Variants in ACAP2 observed in about 807,000 individuals in gnomAD.
ACAP2 encodes the protein ArfGAP with coiled-coil, ankyrin repeat and PH domains 2.
ACAP2 carries 39 observed loss-of-function variants against 115.8 expected under a neutral mutation model. The ratio of observed to expected loss-of-function variants is 0.34; its 90% CI spans 0.26 to 0.44. The LOEUF (loss-of-function observed/expected upper bound fraction) is 0.44, where lower values mean the gene tolerates loss of function less well. ACAP2 is among the 20% of genes least tolerant of loss of function. The pLI is 1.00. For missense variants in ACAP2, 662 were observed against 927.6 expected (o/e 0.71, Z 3.72); for synonymous variants, 289 against 315.8 (o/e 0.92, Z 0.90).
In ACAP2 at chr3:195,280,551, G is replaced by A. The variant is rs995261318; in HGVS notation, c.2237-1123C>T. On this transcript the variant is annotated intron_variant, in intron 22 of 22. Coordinates refer to ENST00000326793, the MANE Select transcript of ACAP2 (RefSeq NM_012287.6). Reference sequence around the variant, plus strand: ...TGGGTTTGTTTTTGTTTTACTGCAGGTCATATGAGCAAGAATGCTATGACA... The same window carrying A: ...TGGGTTTGTTTTTGTTTTACTGCAGATCATATGAGCAAGAATGCTATGACA... 9.2e-5 allele frequency among the ~76,000 whole-genome samples: 14 copies of A among 152,100 alleles called. No homozygotes were observed. In the East Asian group the frequency reaches 2.7e-3, roughly 29 times the overall value.
intron 17 of ACAP2, chr3:195,295,338 A>T: frequency 8.1e-7 from 1 of 1,229,498 alleles, no homozygotes; most frequent in Non-Finnish European, 1.1e-6. Context: ...AAAGCAGGCC[A>T]TAAGAAGGGA....
chr3:195,414,328 C>T (rs1008866849), intron 1 of ACAP2, among the ~76,000 whole-genome samples: 3 of 152,246 alleles, frequency 2.0e-5, no homozygotes, highest in East Asian at 1.9e-4. Context: ...AGGATGGTCT[C>T]GAACTCCTGA....
intron 6 of ACAP2, among the ~76,000 whole-genome samples, chr3:195,339,349 T>C (rs1431856833): frequency 6.6e-6 from 1 of 152,076 alleles, no homozygotes; most frequent in Non-Finnish European, 1.5e-5. Context: ...AAGCTGCAAA[T>C]AGCCTACTAC....
intron 8 of ACAP2, among the ~76,000 whole-genome samples, chr3:195,331,548 T>C (rs1275846454): frequency 6.6e-6 from 1 of 151,640 alleles, no homozygotes; most frequent in East Asian, 2.0e-4. Context: ...CCTGGCCTCA[T>C]GTAATCTGCA....
chr3:195,284,175 C>A (rs9823964), intron 22 of ACAP2, among the ~76,000 whole-genome samples: 73,049 of 151,936 alleles, frequency 0.48, 18,972 homozygotes, highest in Middle Eastern at 0.7. Context: ...TAACCAAACA[C>A]TGAAGTTAAA....
intron 21 of ACAP2, among the ~76,000 whole-genome samples, 186 bp from the exon 22 acceptor site, chr3:195,286,043 T>G (rs187599210): frequency 6.6e-6 from 1 of 152,342 alleles, no homozygotes; most frequent in East Asian, 1.9e-4. Flanking sequence ...CTTCATACAA[T>G]TCTCATAAGA....
chr3:195,328,739 T>G (rs145497548), intron 8 of ACAP2, among the ~76,000 whole-genome samples: 1 of 152,354 alleles, frequency 6.6e-6, no homozygotes, highest in East Asian at 1.9e-4. Flanking sequence ...ATACTTTACA[T>G]ATGAATTCTG....
Position 195,277,591 on chromosome 3 carries a change from T to TAGATTCTGATTTGATGTTTA in ACAP2, c.*1717_*1736dup, listed in dbSNP as rs1726226569. On this transcript the variant is annotated 3_prime_UTR_variant, in exon 23 of 23. Coordinates refer to ENST00000326793, the MANE Select transcript of ACAP2 (RefSeq NM_012287.6). Reference sequence around the variant, plus strand: ...TATTTCAATATAATTCCTGCTTGGCTAGATTCTGATTTGATGTTTAATCAA... The same window carrying TAGATTCTGATTTGATGTTTA: ...TATTTCAATATAATTCCTGCTTGGCTAGATTCTGATTTGATGTTTAAGATTCTGATTTGATGTTTAATCAA... 1 of 152,232 alleles carries TAGATTCTGATTTGATGTTTA rather than the reference T, an allele frequency of 6.6e-6. No homozygotes were observed. The highest frequency in any genetic ancestry group is 2.4e-5 in the African/African-American group (1 of 41,464). The allele number at this position is 152,232 out of a possible 1,614,324, so 9.4% of individuals were successfully genotyped here.
chr3:195,398,434 CAGG>C (rs948720589), intron 1 of ACAP2, among the ~76,000 whole-genome samples: 2 of 151,972 alleles, frequency 1.3e-5, no homozygotes, highest in Admixed American at 1.3e-4. Flanking sequence ...CACGGGAGGT[CAGG>C]AGTTCGAGGC....
intron 20 of ACAP2, among the ~76,000 whole-genome samples, chr3:195,290,120 C>A (rs1365713295): frequency 1.3e-5 from 2 of 152,146 alleles, no homozygotes; most frequent in Admixed American, 6.5e-5. Context: ...CCTGTAATCT[C>A]AGCTACTCAG....
chr3:195,308,636 C>A, intron 11 of ACAP2, 150 bp downstream of exon 11: 1 of 640,180 alleles, frequency 1.6e-6, no homozygotes, highest in Non-Finnish European at 2.6e-6. Context: ...ATTTTCCACC[C>A]TAGAGTCCTC....
intron 1 of ACAP2, among the ~76,000 whole-genome samples, chr3:195,442,478 A>C (rs1051306658): frequency 1.3e-5 from 2 of 152,196 alleles, no homozygotes; most frequent in African/African-American, 4.8e-5. Context: ...CGCGAAGGGG[A>C]CGGGACTTCG....
intron 6 of ACAP2, among the ~76,000 whole-genome samples, chr3:195,340,720 T>C (rs1250036420): frequency 6.6e-6 from 1 of 152,132 alleles, no homozygotes; most frequent in Non-Finnish European, 1.5e-5. Flanking sequence ...ATACGTCTAG[T>C]GAATAAAACC....
intron 4 of ACAP2, among the ~76,000 whole-genome samples, chr3:195,359,815 A>C (rs539475883): frequency 6.6e-6 from 1 of 152,302 alleles, no homozygotes; most frequent in East Asian, 1.9e-4. Context: ...TTGTTTATGC[A>C]ATCAGTGTTG....
At chr3:195,431,241 C>G (rs1270920388) in intron 1 of ACAP2, among the ~76,000 whole-genome samples, 1 of 152,030 alleles carries the variant, frequency 6.6e-6, no homozygotes, top group African/African-American at 2.4e-5. Flanking sequence ...AGCTGAATAC[C>G]TTAATTCCAT....
chr3:195,358,019 G>A (rs1463200198), intron 4 of ACAP2, among the ~76,000 whole-genome samples: 1 of 152,158 alleles, frequency 6.6e-6, no homozygotes, highest in Admixed American at 6.5e-5. Flanking sequence ...GATCCATTTA[G>A]CTCCACCTGG....
chr3:195,309,650 A>G (rs1728635186), intron 10 of ACAP2, among the ~76,000 whole-genome samples: 1 of 152,244 alleles, frequency 6.6e-6, no homozygotes, highest in South Asian at 2.1e-4. Flanking sequence ...TTGATTTGAT[A>G]AGCAAAACAG....
In ACAP2 at chr3:195,274,750, C is replaced by CAG. The variant is rs1726136774; in HGVS notation, c.*4576_*4577dup. ...GTAAATCACCATGAAAGAACTAAGC[C>CAG]AGAGGTGAGATCTTTATTGACTTAT... On this transcript the variant is annotated 3_prime_UTR_variant, in exon 23 of 23. Transcript: ENST00000326793. 1 of 152,464 alleles carries CAG rather than the reference C, an allele frequency of 6.6e-6. No homozygotes were observed. The highest frequency in any genetic ancestry group is 2.1e-4 in the South Asian group (1 of 4,828). 9.4% of individuals were successfully genotyped at this position (152,464 alleles called of 1,614,324 possible).
At chr3:195,394,018 T>A (rs1204930967) in intron 1 of ACAP2, among the ~76,000 whole-genome samples, 1 of 152,162 alleles carries the variant, frequency 6.6e-6, no homozygotes, top group Non-Finnish European at 1.5e-5. Flanking sequence ...GGATTTGCGC[T>A]TTTTACTAAA....
Sources: gnomAD v4.1 joint callset for allele counts (sites outside exome capture counted in the v4.1 genomes callset) on GRCh38, gnomAD v4.1.1 for gene constraint, MANE v1.5 for transcripts, NCBI Gene and HGNC (gene_info 2026-07-23, HGNC 2026-07-21) for gene names.